Variants in INTS6 observed in about 807,000 individuals in gnomAD.
INTS6 encodes DEAD box protein.
INTS6 carries 16 observed loss-of-function variants against 104.9 expected under a neutral mutation model. That is an observed-to-expected ratio of 0.15 (90% confidence interval 0.10 to 0.23). INTS6 has a LOEUF of 0.23. INTS6 is among the 10% of genes least tolerant of loss of function. INTS6 has a pLI of 1.00. For missense variants in INTS6, 584 were observed against 1,062.8 expected (o/e 0.55, Z 6.26); for synonymous variants, 324 against 358.7 (o/e 0.90, Z 1.09).
rs554043938 is a variant in INTS6 at position 51,422,697 on chromosome 13, C to A, written c.429+7597G>T. Among the ~76,000 whole-genome samples, 12 of 152,206 alleles carry A rather than the reference C, an allele frequency of 7.9e-5. No individual in the cohort carries two copies. The South Asian group carries it at 2.5e-3, about 32-fold the overall frequency. On this transcript the variant is annotated intron_variant, in intron 4 of 17. Coordinates refer to ENST00000311234, the MANE Select transcript of INTS6 (RefSeq NM_012141.3). Reference sequence around the variant, plus strand: ...AATGCAAATCTGATCATGTGACTCACCTGCTTAAAATCTTCAATACCTTCC... The same window carrying A: ...AATGCAAATCTGATCATGTGACTCAACTGCTTAAAATCTTCAATACCTTCC...
the INTS6 span, among the ~76,000 whole-genome samples, chr13:51,338,196 C>A: frequency 6.6e-6 from 1 of 152,162 alleles, no homozygotes; most frequent in Non-Finnish European, 1.5e-5. Flanking sequence ...CTACCACTGG[C>A]AAATAGTGAA....
chr13:51,449,825 G>A, intron 3 of INTS6: 1 of 985,216 alleles, frequency 1.0e-6, no homozygotes, highest in Non-Finnish European at 1.2e-6. Flanking sequence ...AGCAGAGATG[G>A]GAAAAACATA....
At position 51,452,802 on chromosome 13, in the gene INTS6, T is replaced by G; in HGVS notation, c.-277A>C. On this transcript the variant is annotated 5_prime_UTR_variant, in exon 1 of 18. Coordinates refer to ENST00000311234, the MANE Select transcript of INTS6 (RefSeq NM_012141.3). The surrounding 1 kb of genome is among the most constrained non-coding windows in gnomAD (Gnocchi z 4.2). ...GGCGCCCAGCCGTCTGTCTGTCGGT[T>G]CGTCCCCCCCGCCTCGGGGGTCCCG... 3.4e-6 allele frequency: 4 copies of G among 1,185,986 alleles called. No individual in the cohort carries two copies. The African/African-American group carries it at 6.6e-5, about 19-fold the overall frequency. The allele number at this position is 1,185,986 out of a possible 1,614,324, so 73.5% of individuals were successfully genotyped here.
downstream of INTS6, among the ~76,000 whole-genome samples, chr13:51,359,137 G>A (rs1407186343): frequency 1.3e-5 from 2 of 152,044 alleles, no homozygotes; most frequent in Non-Finnish European, 2.9e-5. Flanking sequence ...TAGGGCGTAT[G>A]TCCCTCAATG....
At chr13:51,409,240 G>A (rs1271709439) in intron 4 of INTS6, among the ~76,000 whole-genome samples, 2 of 148,600 alleles carry the variant, frequency 1.3e-5, no homozygotes. Flanking sequence ...TCCAGCCTGG[G>A]TGACAGAGTG....
chr13:51,432,886 A>G (rs9563053), intron 3 of INTS6, among the ~76,000 whole-genome samples: 3,625 of 152,312 alleles, frequency 0.024, 58 homozygotes, highest in South Asian at 0.062. Context: ...ACTCTCATAC[A>G]TAATAAACAT....
At chr13:51,431,759 T>C (rs959989061) in intron 3 of INTS6, among the ~76,000 whole-genome samples, 2 of 152,130 alleles carry the variant, frequency 1.3e-5, no homozygotes, top group Non-Finnish European at 2.9e-5. Flanking sequence ...AAAGATTCCT[T>C]TGGTTAAATA....
intron 15 of INTS6, among the ~76,000 whole-genome samples, chr13:51,371,609 A>G (rs1040201910): frequency 1.3e-5 from 2 of 152,014 alleles, no homozygotes; most frequent in African/African-American, 4.8e-5. Flanking sequence ...CTGCTGGAGA[A>G]ATAGGGCCCA....
chr13:51,405,543 TAA>T (rs1398791623), intron 4 of INTS6, among the ~76,000 whole-genome samples: 1 of 152,138 alleles, frequency 6.6e-6, no homozygotes, highest in African/African-American at 2.4e-5. Context: ...ACTCTTACAC[TAA>T]GTCATCAATG....
the INTS6 span, among the ~76,000 whole-genome samples, chr13:51,343,689 A>C: frequency 6.6e-6 from 1 of 152,148 alleles, no homozygotes; most frequent in Non-Finnish European, 1.5e-5. Context: ...GTATTTCTCA[A>C]ATTGAAAGCA....
chr13:51,383,747 G>C lies in INTS6; in HGVS notation c.895-6C>G. On this transcript the variant is annotated splice_polypyrimidine_tract_variant and splice_region_variant and intron_variant, in intron 7 of 17. Coordinates refer to ENST00000311234, the MANE Select transcript of INTS6 (RefSeq NM_012141.3). ...GGATGAGATGTACGAGGTGGCTAAA[G>C]GGGAAAGTCTTGTAATTACTACTTA... The C allele has an allele frequency of 6.3e-7, 1 of 1,595,610 alleles. No individual in the cohort carries two copies. Among genetic ancestry groups the C allele is most frequent in the Non-Finnish European group, 8.5e-7 (1 of 1,170,166 alleles).
At chr13:51,373,862 T>C (rs768471799) in intron 15 of INTS6, among the ~76,000 whole-genome samples, 14 of 152,244 alleles carry the variant, frequency 9.2e-5, no homozygotes, top group Non-Finnish European at 4.4e-5. Flanking sequence ...AGCACAGCAT[T>C]ATCCAAAATA....
chr13:51,420,025 T>C (rs1159285531), intron 4 of INTS6, among the ~76,000 whole-genome samples: 1 of 152,142 alleles, frequency 6.6e-6, no homozygotes, highest in African/African-American at 2.4e-5. Flanking sequence ...CCTCCAACAG[T>C]GGAATAGTTC....
intron 4 of INTS6, among the ~76,000 whole-genome samples, chr13:51,401,512 C>T (rs998586646): frequency 1.3e-5 from 2 of 152,044 alleles, no homozygotes; most frequent in African/African-American, 4.8e-5. Context: ...GAGAGTTAAT[C>T]CCAAGAAACT....
At chr13:51,349,436 A>G (rs1281767611), downstream of INTS6, among the ~76,000 whole-genome samples, 1 of 152,230 alleles carries the variant, frequency 6.6e-6, no homozygotes, top group Non-Finnish European at 1.5e-5. Flanking sequence ...CAAATACTGG[A>G]TATTTCAACA....
chr13:51,369,182 G>A lies in INTS6; in HGVS notation c.2233C>T (p.Leu745=), dbSNP rs988715391. 3.1e-6 allele frequency: 5 copies of A among 1,613,750 alleles called. No homozygotes were observed. The African/African-American group carries it at 5.3e-5, about 17-fold the overall frequency. Residue 745 remains leucine (L), a synonymous_variant, in exon 16 of 18, where the codon CTG becomes TTG. Transcript: ENST00000311234. ...TCCATATGATTGGTTGGCCGTTCCA[G>A]TAAACTGGCTGGAGAAGATGCTGAA... ...EFSASSPASL[L]ERPTNHMEAL...
chr13:51,416,878 CCAA>C (rs1956796973), intron 4 of INTS6, among the ~76,000 whole-genome samples: 1 of 152,186 alleles, frequency 6.6e-6, no homozygotes, highest in African/African-American at 2.4e-5. Flanking sequence ...TACATTCTCA[CCAA>C]CATTTGTAAC....
intron 3 of INTS6, chr13:51,447,702 T>C (rs957723280): frequency 8.4e-6 from 1 of 118,840 alleles, no homozygotes; most frequent in Non-Finnish European, 1.7e-5. Flanking sequence ...AGTAAAGATA[T>C]ATTGGCTAAT....
intron 3 of INTS6, among the ~76,000 whole-genome samples, chr13:51,433,907 A>G (rs925262439): frequency 2.0e-5 from 3 of 152,236 alleles, no homozygotes; most frequent in Non-Finnish European, 4.4e-5. Flanking sequence ...TTGACCCTAA[A>G]AAAACTTAGT....
Sources: gnomAD v4.1 joint callset for allele counts (sites outside exome capture counted in the v4.1 genomes callset) on GRCh38, gnomAD v4.1.1 for gene constraint, Gnocchi (gnomAD v3.1) non-coding constraint, MANE v1.5 for transcripts, NCBI Gene and HGNC (gene_info 2026-07-23, HGNC 2026-07-21) for gene names.